SNX29: variants seen among roughly 807,000 people sequenced by gnomAD.
SNX29 encodes the protein sorting nexin-29.
In SNX29, 78 loss-of-function variants were observed where a neutral mutation model predicts 102.1. The ratio of observed to expected loss-of-function variants is 0.76; its 90% CI spans 0.64 to 0.92. The LOEUF (loss-of-function observed/expected upper bound fraction) is 0.92. SNX29 is among the 40% of genes least tolerant of loss of function. The pLI is 0.00. For synonymous variants in SNX29, 580 were observed against 414.5 expected, an observed-to-expected ratio of 1.40 and a Z score of -4.85; for missense variants, 1,280 against 1,061.7, an observed-to-expected ratio of 1.21 and a Z score of -2.86.
At chr16:12,226,141 C>T (rs1304577536) in intron 14 of SNX29, among the ~76,000 whole-genome samples, 2 of 152,126 alleles carry the variant, frequency 1.3e-5, no homozygotes, top group South Asian at 2.1e-4. Flanking sequence ...CGGTCGTGTT[C>T]GACATTCTGG....
At chr16:12,128,387 A>G (rs745741335) in intron 12 of SNX29, among the ~76,000 whole-genome samples, 2 of 152,128 alleles carry the variant, frequency 1.3e-5, no homozygotes, top group Admixed American at 6.5e-5. Context: ...CTCAAGGAAC[A>G]CAAGTCTTGG....
chr16:12,009,852 G>A (rs1294303820), intron 3 of SNX29, among the ~76,000 whole-genome samples: 3 of 152,250 alleles, frequency 2.0e-5, no homozygotes, highest in African/African-American at 7.2e-5. Context: ...GGCCCTAGAA[G>A]TTACCTCAAA....
intron 19 of SNX29, among the ~76,000 whole-genome samples, chr16:12,507,378 C>T (rs1007576094): frequency 2.0e-5 from 3 of 152,234 alleles, no homozygotes; most frequent in Non-Finnish European, 4.4e-5. Flanking sequence ...GGTCCCAGGT[C>T]TGGACAGTCA....
chr16:12,010,466 C>T (rs563500813), intron 3 of SNX29, among the ~76,000 whole-genome samples: 1 of 151,964 alleles, frequency 6.6e-6, no homozygotes, highest in Non-Finnish European at 1.5e-5. Context: ...TACAAAAAAA[C>T]CAAAAATTAG....
intron 20 of SNX29, among the ~76,000 whole-genome samples, chr16:12,553,231 G>T (rs1488084693): frequency 2.0e-5 from 3 of 152,170 alleles, no homozygotes; most frequent in Admixed American, 6.5e-5. Context: ...ATGGGGACTT[G>T]AGAATACAGA....
At chr16:12,520,426 G>T (rs1214690387) in intron 19 of SNX29, among the ~76,000 whole-genome samples, 3 of 152,200 alleles carry the variant, frequency 2.0e-5, no homozygotes, top group Non-Finnish European at 4.4e-5. Flanking sequence ...GGAAGGCCCT[G>T]CTCAGCCACC....
At chr16:12,116,130 G>A (rs148915122) in intron 11 of SNX29, among the ~76,000 whole-genome samples, 5 of 152,180 alleles carry the variant, frequency 3.3e-5, no homozygotes, top group African/African-American at 1.2e-4. Flanking sequence ...TCTCCTAATT[G>A]TGGGAAACAG....
intron 15 of SNX29, among the ~76,000 whole-genome samples, chr16:12,282,710 C>T (rs1042719236): frequency 6.6e-6 from 1 of 152,154 alleles, no homozygotes; most frequent in African/African-American, 2.4e-5. Context: ...GGCTGGAGTG[C>T]AATTGCCTGA....
At chr16:11,999,263 CAG>C (rs1596555910) in intron 1 of SNX29, 32 bp from the exon 2 acceptor site, 3 of 1,610,870 alleles carry the variant, frequency 1.9e-6, no homozygotes, top group Non-Finnish European at 2.5e-6. Flanking sequence ...GTCCGAGCGT[CAG>C]AGAGAACTAA....
At chr16:12,138,593 A>G (rs1443696870) in intron 13 of SNX29, among the ~76,000 whole-genome samples, 2 of 147,956 alleles carry the variant, frequency 1.4e-5, no homozygotes, top group Non-Finnish European at 3.0e-5. Flanking sequence ...TTCATAATGT[A>G]AAATAAAACA....
intron 20 of SNX29, among the ~76,000 whole-genome samples, chr16:12,551,549 C>T (rs946057725): frequency 2.6e-5 from 4 of 152,210 alleles, no homozygotes; most frequent in Non-Finnish European, 4.4e-5. Context: ...TTCTAAGGTG[C>T]ATGCAAAGTT....
At chr16:12,097,776 T>C (rs2141177002) in intron 11 of SNX29, among the ~76,000 whole-genome samples, 1 of 152,292 alleles carries the variant, frequency 6.6e-6, no homozygotes, top group East Asian at 1.9e-4. Flanking sequence ...CAATCCAAAA[T>C]GGGCCTCTCG....
chr16:11,999,221 A>G, intron 1 of SNX29, 76 bp from the exon 2 acceptor site: 2 of 1,325,020 alleles, frequency 1.5e-6, no homozygotes, highest in Non-Finnish European at 2.2e-6. Flanking sequence ...AAAGATCAGT[A>G]GGAAAGGACT....
chr16:12,041,621 A>G (rs1202994132), intron 4 of SNX29, among the ~76,000 whole-genome samples: 1 of 151,954 alleles, frequency 6.6e-6, no homozygotes, highest in Non-Finnish European at 1.5e-5. Context: ...CTCGCTGCCC[A>G]CCTTCCTTGG....
chr16:12,470,500 G>A (rs1017344006), intron 18 of SNX29, among the ~76,000 whole-genome samples: 6 of 152,134 alleles, frequency 3.9e-5, no homozygotes, highest in Non-Finnish European at 8.8e-5. Flanking sequence ...TGCCCAGGCC[G>A]GCCTGCAGCC....
intron 19 of SNX29, among the ~76,000 whole-genome samples, chr16:12,517,073 C>G (rs918886475): frequency 6.6e-6 from 1 of 152,322 alleles, no homozygotes; most frequent in East Asian, 1.9e-4. Context: ...CCAGTGCCGT[C>G]TATGAATAGC....
chr16:12,262,266 C>T (rs2078797079), intron 14 of SNX29, among the ~76,000 whole-genome samples: 1 of 152,112 alleles, frequency 6.6e-6, no homozygotes, highest in Non-Finnish European at 1.5e-5. Context: ...CAAAGTCTTC[C>T]CCTTGGTTTG....
chr16:12,561,079 A>G (rs572033588), intron 20 of SNX29: 2 of 225,196 alleles, frequency 8.9e-6, no homozygotes, highest in South Asian at 3.7e-4. Flanking sequence ...GATGGATGTC[A>G]GCATAGTTCA....
At chr16:12,533,677 A>C (rs572307492) in intron 20 of SNX29, among the ~76,000 whole-genome samples, 1 of 152,184 alleles carries the variant, frequency 6.6e-6, no homozygotes, top group South Asian at 2.1e-4. Context: ...AGGCACCCCA[A>C]ATTTACCTCT....
Sources: allele counts gnomAD v4.1 joint callset (sites outside exome capture counted in the v4.1 genomes callset), GRCh38; gene constraint gnomAD v4.1.1; transcripts MANE v1.5; gene names NCBI Gene and HGNC (gene_info 2026-07-23, HGNC 2026-07-21).